Variants in POTEC observed in about 807,000 individuals in gnomAD.
POTEC encodes ANKRD26-like family B member 2.
In POTEC, 35 loss-of-function variants were observed where a neutral mutation model predicts 62.0. The observed-to-expected ratio is 0.56, with a 90% CI of 0.43 to 0.75. POTEC has a LOEUF of 0.75. POTEC is among the 30% of genes least tolerant of loss of function. POTEC has a pLI of 0.00. For synonymous variants in POTEC, 156 were observed against 221.5 expected (o/e 0.70, Z 2.62); for missense variants, 472 against 655.9 (o/e 0.72, Z 3.06).
chr18:14,528,465 T>G (rs985298673), intron 6 of POTEC, among the ~76,000 whole-genome samples: 1 of 152,136 alleles, frequency 6.6e-6, no homozygotes, highest in African/African-American at 2.4e-5. Flanking sequence ...ACCCAGCCAA[T>G]GGAATGTTAC....
chr18:14,535,936 T>G (rs1390755399), intron 3 of POTEC, among the ~76,000 whole-genome samples: 1 of 151,922 alleles, frequency 6.6e-6, no homozygotes, highest in Non-Finnish European at 1.5e-5. Context: ...TGATAGATAG[T>G]GCCAATAATA....
intron 9 of POTEC, among the ~76,000 whole-genome samples, chr18:14,520,953 C>T (rs1213504416): frequency 6.6e-6 from 1 of 152,002 alleles, no homozygotes; most frequent in African/African-American, 2.4e-5. Flanking sequence ...CCAGCCTGGG[C>T]AACAGAGACC....
chr18:14,537,888 G>A lies in POTEC; in HGVS notation c.723C>T (p.Thr241=). The A allele has an allele frequency of 1.9e-6, 3 of 1,612,282 alleles. No individual in the cohort carries two copies. Among genetic ancestry groups the A allele is most frequent in the Non-Finnish European group, 2.5e-6 (3 of 1,179,758 alleles). ...DQNIPDEYGN[T]TLHYAVHNED... ...CATTGTGGACAGCATAGTGTAGAGT[G>A]GTATTTCCATACTCATCTGGAATAT... is the stretch of plus-strand genomic sequence containing the variant. Residue 241 remains threonine (T), a synonymous_variant, in exon 3 of 11, where the codon ACC becomes ACT. Coordinates refer to ENST00000358970, the MANE Select transcript of POTEC (RefSeq NM_001137671.2).
rs770360032 is a variant in POTEC, at chr18:14,543,142, AC to A, written c.4del (p.Val2Ter). On this transcript the variant is annotated frameshift_variant, in exon 1 of 11. Coordinates refer to ENST00000358970, the MANE Select transcript of POTEC (RefSeq NM_001137671.2). LOFTEE classifies it high-confidence loss of function. Reference protein sequence around the residue: MVTEVCSMPAAS... With the variant: MXTEVCSMPAAS... ...AGCGGGCATTGAACAAACCTCAGTCACCATCTGCTTTTAACAGCCCGGGGAG... is the reference window on the plus strand; with the variant it reads ...AGCGGGCATTGAACAAACCTCAGTCACATCTGCTTTTAACAGCCCGGGGAG... 6.2e-7 allele frequency: 1 copy of A among 1,613,820 alleles called. No homozygotes were observed. The highest frequency in any genetic ancestry group is 2.2e-5 in the East Asian group (1 of 44,846).
intron 6 of POTEC, among the ~76,000 whole-genome samples, chr18:14,526,688 G>A (rs977461031): frequency 2.2e-4 from 34 of 152,116 alleles, no homozygotes; most frequent in Non-Finnish European, 4.6e-4. Context: ...AGGGCATTAA[G>A]AGCCACTCAG....
At chr18:14,526,883 C>T (rs2143138329) in intron 6 of POTEC, among the ~76,000 whole-genome samples, 1 of 152,132 alleles carries the variant, frequency 6.6e-6, no homozygotes, top group African/African-American at 2.4e-5. Flanking sequence ...CCTAGTGAGC[C>T]ATTATTCATT....
chr18:14,542,020 A>C (rs1485340601), intron 1 of POTEC, among the ~76,000 whole-genome samples: 2 of 152,194 alleles, frequency 1.3e-5, no homozygotes, highest in African/African-American at 4.8e-5. Flanking sequence ...TATCACAATG[A>C]TAAAATACAT....
intron 9 of POTEC, among the ~76,000 whole-genome samples, chr18:14,515,686 A>G (rs962950880): frequency 6.6e-6 from 1 of 151,950 alleles, no homozygotes; most frequent in African/African-American, 2.4e-5. Flanking sequence ...ATACCTAATT[A>G]AACTAAAAAG....
intron 7 of POTEC, 35 bp downstream of exon 7, chr18:14,524,878 T>G (rs746918613): frequency 3.3e-5 from 53 of 1,599,124 alleles, no homozygotes; most frequent in Non-Finnish European, 4.2e-5. Flanking sequence ...GAAAACAACA[T>G]TAAATCAAAA....
chr18:14,523,260 T>C (rs1395036886), intron 8 of POTEC, among the ~76,000 whole-genome samples: 1 of 149,918 alleles, frequency 6.7e-6, no homozygotes, highest in Non-Finnish European at 1.5e-5. Flanking sequence ...GATTGTTCCA[T>C]AATAATGAAA....
intron 6 of POTEC, among the ~76,000 whole-genome samples, chr18:14,529,290 A>G (rs1905422361): frequency 6.6e-6 from 1 of 152,134 alleles, no homozygotes; most frequent in Non-Finnish European, 1.5e-5. Context: ...ACATTAGAAA[A>G]ATGATTAGTA....
intron 10 of POTEC, among the ~76,000 whole-genome samples, chr18:14,512,309 T>A (rs1158670449): frequency 2.0e-5 from 3 of 152,244 alleles, no homozygotes; most frequent in African/African-American, 7.2e-5. Context: ...CTACATTTTT[T>A]AAATTGGGTT....
intron 9 of POTEC, among the ~76,000 whole-genome samples, chr18:14,518,189 T>G (rs1910214731): frequency 6.6e-6 from 1 of 152,148 alleles, no homozygotes; most frequent in Non-Finnish European, 1.5e-5. Flanking sequence ...ATGCTAGGCC[T>G]TTTTCTAGGC....
chr18:14,528,338 A>G lies in POTEC; in HGVS notation c.1126+2145T>C, dbSNP rs532182196. Among the ~76,000 whole-genome samples, 6 of 152,186 alleles carry G rather than the reference A, an allele frequency of 3.9e-5. No homozygotes were observed. In the South Asian group the frequency reaches 1.2e-3, roughly 32 times the overall value. ...TTTCTTGCAGAAGAAACACAAGTCTATTGGGATATTTATTATCCCAATCCC... is the reference window on the plus strand; with the variant it reads ...TTTCTTGCAGAAGAAACACAAGTCTGTTGGGATATTTATTATCCCAATCCC... On this transcript the variant is annotated intron_variant, in intron 6 of 10. Transcript: ENST00000358970.
intron 9 of POTEC, among the ~76,000 whole-genome samples, chr18:14,518,937 A>C (rs59525572): frequency 4.6e-5 from 7 of 152,282 alleles, no homozygotes; most frequent in Non-Finnish European, 4.4e-5. Flanking sequence ...AGAGGAATGA[A>C]ACAATTTGAC....
At chr18:14,525,213 CA>C (rs45494492) in intron 6 of POTEC, among the ~76,000 whole-genome samples, 23,197 of 151,688 alleles carry the variant, frequency 0.15, 2,205 homozygotes, top group East Asian at 0.44. Flanking sequence ...CATAAATGAA[CA>C]AAACCACCAG....
intron 9 of POTEC, among the ~76,000 whole-genome samples, chr18:14,521,299 A>G (rs1391705887): frequency 6.6e-6 from 1 of 152,196 alleles, no homozygotes; most frequent in Non-Finnish European, 1.5e-5. Context: ...CAAGAATTCT[A>G]ACAAAATTAT....
chr18:14,516,298 TTATATATATATA>T (rs200611192), intron 9 of POTEC, among the ~76,000 whole-genome samples: 443 of 25,126 alleles, frequency 0.018, 100 homozygotes, highest in African/African-American at 0.054. Context: ...AAAGAAAATT[TTATATATATATA>T]TATATATATA....
At chr18:14,541,183 C>T (rs897152636) in intron 1 of POTEC, among the ~76,000 whole-genome samples, 6 of 152,142 alleles carry the variant, frequency 3.9e-5, no homozygotes, top group African/African-American at 1.4e-4. Context: ...GCCACCATGG[C>T]TGGCCTTTCA....
Sources: gnomAD v4.1 joint callset for allele counts (sites outside exome capture counted in the v4.1 genomes callset) on GRCh38, gnomAD v4.1.1 for gene constraint, MANE v1.5 for transcripts, NCBI Gene and HGNC (gene_info 2026-07-23, HGNC 2026-07-21) for gene names.